The following ITGB1BP1 variants were observed in gnomAD, a reference collection of about 807,000 sequenced individuals.
ITGB1BP1 encodes integrin subunit beta 1 binding protein 1.
A neutral mutation model predicts 28.0 loss-of-function variants in ITGB1BP1; 20 were observed. The observed-to-expected ratio is 0.71, with a 90% CI of 0.50 to 1.04. The LOEUF (loss-of-function observed/expected upper bound fraction) is 1.04. Among genes scored for constraint, ITGB1BP1 ranks in the 50% least tolerant of loss-of-function variants. The pLI is 0.00. For synonymous variants in ITGB1BP1, 103 were observed against 89.5 expected (o/e 1.15, Z -0.85); for missense variants, 228 against 242.5 (o/e 0.94, Z 0.40).
Position 9,406,923 on chromosome 2 carries a change from T to TA in ITGB1BP1, c.532-19dup, listed in dbSNP as rs1558418504. 7 of 1,579,040 alleles carry TA rather than the reference T, an allele frequency of 4.4e-6. No homozygotes were observed. In the East Asian group the frequency reaches 1.6e-4, roughly 35 times the overall value. On this transcript the variant is annotated intron_variant, in intron 6 of 6. Transcript: ENST00000355346. ...GCTTGTTCCTACATTACATGAAAGA[T>TA]AGAGTAAGAGCAACATTCATCTGTC...
chr2:9,409,056 C>CTGA (rs1280551938), intron 4 of ITGB1BP1, among the ~76,000 whole-genome samples: 1 of 152,224 alleles, frequency 6.6e-6, no homozygotes, highest in African/African-American at 2.4e-5. Context: ...GCAAGTGCTG[C>CTGA]TGATGAGCAG....
intron 4 of ITGB1BP1, 37 bp from the exon 5 acceptor site, chr2:9,408,242 A>G (rs1324279932): frequency 1.6e-6 from 2 of 1,244,452 alleles, no homozygotes; most frequent in Non-Finnish European, 1.2e-6. Flanking sequence ...TAAAGATTAA[A>G]ATTACATAAT....
rs1676994123 is a variant in ITGB1BP1 at position 9,404,219 on chromosome 2, T to G, written c.*2615A>C. The G allele has an allele frequency of 6.6e-6, 1 of 152,258 alleles. No individual in the cohort carries two copies. Among genetic ancestry groups the G allele is most frequent in the Non-Finnish European group, 1.5e-5 (1 of 68,048 alleles). 9.4% of individuals were successfully genotyped at this position (152,258 alleles called of 1,614,324 possible). On this transcript the variant is annotated 3_prime_UTR_variant, in exon 7 of 7. Coordinates refer to ENST00000355346, the MANE Select transcript of ITGB1BP1 (RefSeq NM_004763.5). ...ATCACTTGCTGTTTCCTACTGAGTGTACCACTGCCTTCCCTTCTAGCCCAG... is the reference window on the plus strand; with the variant it reads ...ATCACTTGCTGTTTCCTACTGAGTGGACCACTGCCTTCCCTTCTAGCCCAG...
chr2:9,419,073 T>C (rs989475475), intron 1 of ITGB1BP1, among the ~76,000 whole-genome samples: 2 of 152,202 alleles, frequency 1.3e-5, no homozygotes, highest in Non-Finnish European at 2.9e-5. Flanking sequence ...AACTTTGATA[T>C]TGGTTACAGT....
intron 1 of ITGB1BP1, among the ~76,000 whole-genome samples, chr2:9,421,280 G>A (rs747773811): frequency 1.3e-5 from 2 of 152,144 alleles, no homozygotes; most frequent in Non-Finnish European, 2.9e-5. Context: ...CAATGCCTTA[G>A]CAACTCCTTA....
Position 9,406,526 on chromosome 2 carries a change from AGTGT to A in ITGB1BP1, c.*304_*307del, listed in dbSNP as rs374658085. On this transcript the variant is annotated 3_prime_UTR_variant, in exon 7 of 7. Coordinates refer to ENST00000355346, the MANE Select transcript of ITGB1BP1 (RefSeq NM_004763.5). Reference sequence around the variant, plus strand: ...GACATCTCGTCTTCCTCAGGCCTTCAGTGTGTGTTTGTCACTGAGTGGACCTCTG... The same window carrying A: ...GACATCTCGTCTTCCTCAGGCCTTCAGTGTTTGTCACTGAGTGGACCTCTG... The A allele has an allele frequency of 1.5e-4, 39 of 253,662 alleles. No individual in the cohort carries two copies. Among genetic ancestry groups the A allele is most frequent in the South Asian group, 1.5e-3 (32 of 20,932 alleles). 15.7% of individuals were successfully genotyped at this position (253,662 alleles called of 1,614,324 possible).
At chr2:9,423,232 A>C (rs1364302741) in intron 1 of ITGB1BP1, 141 bp downstream of exon 1, 4 of 1,128,834 alleles carry the variant, frequency 3.5e-6, no homozygotes, top group Non-Finnish European at 4.4e-6. Context: ...GCCCGGAACC[A>C]AGCCCGAGCC....
At position 9,407,431 on chromosome 2, in the gene ITGB1BP1, A is replaced by G. The variant is rs751167293; in HGVS notation, c.531+18T>C. The G allele has an allele frequency of 1.9e-6, 3 of 1,613,946 alleles. No homozygotes were observed. The African/African-American group carries it at 4.0e-5, about 22-fold the overall frequency. On this transcript the variant is annotated intron_variant, in intron 6 of 6. Transcript: ENST00000355346. Reference sequence around the variant, plus strand: ...CGACTTGATGGGCAAGCAGCTAACCAAAGTAACGAAGTCTCACCAGGCTGT... The same window carrying G: ...CGACTTGATGGGCAAGCAGCTAACCGAAGTAACGAAGTCTCACCAGGCTGT...
At chr2:9,407,299 C>G in intron 6 of ITGB1BP1, 150 bp downstream of exon 6, 1 of 839,596 alleles carries the variant, frequency 1.2e-6, no homozygotes, top group Non-Finnish European at 1.9e-6. Context: ...TCTTGCCAGC[C>G]GGCTGACCTC....
chr2:9,413,612 G>A (rs1003220752), intron 3 of ITGB1BP1, among the ~76,000 whole-genome samples: 1 of 152,132 alleles, frequency 6.6e-6, no homozygotes, highest in African/African-American at 2.4e-5. Context: ...TTACAGTCGT[G>A]AGCCAACGCA....
intron 3 of ITGB1BP1, among the ~76,000 whole-genome samples, chr2:9,413,006 C>G (rs548689081): frequency 7.2e-5 from 11 of 152,198 alleles, no homozygotes; most frequent in Non-Finnish European, 1.5e-4. Context: ...CTTAACGTAA[C>G]AGCAACGGTT....
In ITGB1BP1 at chr2:9,418,685, C is replaced by T. The variant is rs1251101369; in HGVS notation, c.13G>A (p.Gly5Ser). 5 of 1,613,856 alleles carry T rather than the reference C, an allele frequency of 3.1e-6. No individual in the cohort carries two copies. Among genetic ancestry groups the T allele is most frequent in the Non-Finnish European group, 4.2e-6 (5 of 1,179,962 alleles). The stretch of plus-strand genomic sequence containing the variant: ...CTGCTACTACTGTGTCGTTTTTTGC[C>T]CTTGCGAAACATTTTTCACCACCAT... MFRK[G>S]KKRHSSSSSQ... is the part of the protein sequence containing the mutation. Residue 5 changes from glycine (G) to serine (S), a missense_variant, in exon 2 of 7, where the codon GGC becomes AGC. By Grantham distance (56) the Gly-to-Ser change is moderately conservative (BLOSUM62 0). Coordinates refer to ENST00000355346, the MANE Select transcript of ITGB1BP1 (RefSeq NM_004763.5).
At chr2:9,422,995 A>ATC in intron 1 of ITGB1BP1, 1 of 988,302 alleles carries the variant, frequency 1.0e-6, no homozygotes, top group Non-Finnish European at 1.2e-6. Flanking sequence ...AGCACCTTCC[A>ATC]AGCGCTGGGT....
chr2:9,412,013 G>A (rs1678473716), intron 4 of ITGB1BP1: 1 of 379,884 alleles, frequency 2.6e-6, no homozygotes, highest in East Asian at 5.9e-5. Context: ...CTGTACTCCA[G>A]CCTGGGCAAC....
In ITGB1BP1 at chr2:9,423,500, C is replaced by T. The variant is rs1680172035; in HGVS notation, c.-163G>A. On this transcript the variant is annotated 5_prime_UTR_variant, in exon 1 of 7. The change creates a new upstream start codon in the 5' untranslated region. Transcript: ENST00000355346. ...CCGGCTTTTCCAGCCCTCCTGCCCA[C>T]GTCCGCCGGGCCGCGCCTCCAAGAC... 2 of 1,192,084 alleles carry T rather than the reference C, an allele frequency of 1.7e-6. No individual in the cohort carries two copies. Among genetic ancestry groups the T allele is most frequent in the South Asian group, 1.9e-5 (1 of 53,506 alleles). The allele number at this position is 1,192,084 out of a possible 1,614,324, so 73.8% of individuals were successfully genotyped here. A position where few individuals can be genotyped will look rare whatever the true frequency, so the allele number is the denominator to read the frequency against.
At chr2:9,422,643 TC>T in intron 1 of ITGB1BP1, 1 of 985,600 alleles carries the variant, frequency 1.0e-6, no homozygotes, top group Non-Finnish European at 1.2e-6. Context: ...CGGTGACTCC[TC>T]TGCATTGCCA....
In ITGB1BP1 at chr2:9,406,077, C is replaced by T. The variant is rs1677286435; in HGVS notation, c.*757G>A. The T allele has an allele frequency of 8.6e-6, 1 of 116,120 alleles. No homozygotes were observed. The highest frequency in any genetic ancestry group is 1.9e-5 in the Non-Finnish European group (1 of 53,482). The allele number at this position is 116,120 out of a possible 1,614,324, so 7.2% of individuals were successfully genotyped here. ...TGACATCTCGTCTTCCTCAGGCCTT[C>T]AGTGTGTGTTTGTCACTGAGTGGAC... On this transcript the variant is annotated 3_prime_UTR_variant, in exon 7 of 7. Transcript: ENST00000355346.
Position 9,406,730 on chromosome 2 carries a change from A to G in ITGB1BP1, c.*104T>C. Reference sequence around the variant, plus strand: ...TTACACAATCCATTTTCTTCAGAAAATCTAGAGCAAGGGATAACTTCATTA... The same window carrying G: ...TTACACAATCCATTTTCTTCAGAAAGTCTAGAGCAAGGGATAACTTCATTA... On this transcript the variant is annotated 3_prime_UTR_variant, in exon 7 of 7. Transcript: ENST00000355346. 1.2e-6 allele frequency: 1 copy of G among 816,636 alleles called. No individual in the cohort carries two copies. The highest frequency in any genetic ancestry group is 2.1e-6 in the Non-Finnish European group (1 of 467,142). The allele number at this position is 816,636 out of a possible 1,614,324, so 50.6% of individuals were successfully genotyped here.
rs1480779907 is a variant in ITGB1BP1, at chr2:9,423,528, T to A, written c.-191A>T. On this transcript the variant is annotated 5_prime_UTR_variant, in exon 1 of 7. Transcript: ENST00000355346. Reference sequence around the variant, plus strand: ...CCGCCGGGCCGCGCCTCCAAGACTATGCGCAGGCGCAGTCCTGACGTCCTA... The same window carrying A: ...CCGCCGGGCCGCGCCTCCAAGACTAAGCGCAGGCGCAGTCCTGACGTCCTA... 4 of 1,178,258 alleles carry A rather than the reference T, an allele frequency of 3.4e-6. No homozygotes were observed. The highest frequency in any genetic ancestry group is 3.9e-5 in the Admixed American group (1 of 25,578). 73.0% of individuals were successfully genotyped at this position (1,178,258 alleles called of 1,614,324 possible).
Sources: allele counts gnomAD v4.1 joint callset (sites outside exome capture counted in the v4.1 genomes callset), GRCh38; gene constraint gnomAD v4.1.1; transcripts MANE v1.5; gene names NCBI Gene and HGNC (gene_info 2026-07-23, HGNC 2026-07-21).